Variants in ZC2HC1A observed in about 807,000 individuals in gnomAD.
ZC2HC1A encodes the protein zinc finger C2HC domain-containing protein 1A.
Under a neutral mutation model 40.7 loss-of-function variants are expected in ZC2HC1A, and 28 were observed. The observed-to-expected ratio is 0.69, with a 90% CI of 0.51 to 0.94. ZC2HC1A has a LOEUF of 0.94. Among genes scored for constraint, ZC2HC1A ranks in the 40% least tolerant of loss-of-function variants. The pLI, the probability that ZC2HC1A is intolerant of heterozygous loss-of-function variation, is 0.00. For missense variants in ZC2HC1A, 389 were observed against 386.3 expected (o/e 1.01, Z -0.06); for synonymous variants, 129 against 129.2 (o/e 1.00, Z 0.01).
At chr8:78,711,139 A>G (rs760773145) in intron 7 of ZC2HC1A, among the ~76,000 whole-genome samples, 1 of 152,156 alleles carries the variant, frequency 6.6e-6, no homozygotes, top group East Asian at 1.9e-4. Flanking sequence ...TCTTAAAAAG[A>G]ACAGACTTTT....
intron 8 of ZC2HC1A, 62 bp from the exon 9 acceptor site, chr8:78,717,266 G>A: frequency 1.4e-6 from 2 of 1,445,508 alleles, no homozygotes; most frequent in Non-Finnish European, 1.9e-6. Flanking sequence ...GTTTCTCCAG[G>A]GTTATGGGTT....
chr8:78,680,970 G>A (rs561667950), intron 3 of ZC2HC1A, among the ~76,000 whole-genome samples: 1 of 152,286 alleles, frequency 6.6e-6, no homozygotes, highest in South Asian at 2.1e-4. Context: ...AGAATGGTGG[G>A]AGTAGGAACA....
chr8:78,699,223 C>G (rs989174914), intron 7 of ZC2HC1A, among the ~76,000 whole-genome samples: 11 of 151,934 alleles, frequency 7.2e-5, no homozygotes, highest in Non-Finnish European at 1.5e-4. Flanking sequence ...TATTTTTCTA[C>G]TGTTATATTT....
chr8:78,668,137 T>C (rs1250311962), intron 1 of ZC2HC1A, among the ~76,000 whole-genome samples: 1 of 152,092 alleles, frequency 6.6e-6, no homozygotes, highest in African/African-American at 2.4e-5. Context: ...GAAGTTAGGA[T>C]GGTGCCTTTC....
chr8:78,714,508 G>A (rs1315120065), intron 7 of ZC2HC1A, among the ~76,000 whole-genome samples: 6 of 152,060 alleles, frequency 3.9e-5, no homozygotes, highest in Admixed American at 1.3e-4. Context: ...CAGACTTGCT[G>A]TCACAAAGCT....
intron 3 of ZC2HC1A, among the ~76,000 whole-genome samples, chr8:78,680,376 G>A (rs1232885610): frequency 6.6e-6 from 1 of 151,006 alleles, no homozygotes. Flanking sequence ...TAAAACTGTG[G>A]CCCACAGAGC....
intron 7 of ZC2HC1A, among the ~76,000 whole-genome samples, chr8:78,698,793 G>T (rs555604528): frequency 1.3e-5 from 2 of 152,060 alleles, no homozygotes; most frequent in Non-Finnish European, 1.5e-5. Flanking sequence ...AAATGTTGAC[G>T]ATTTTTATAC....
chr8:78,668,366 A>G (rs1563616949), intron 1 of ZC2HC1A, among the ~76,000 whole-genome samples: 1 of 152,216 alleles, frequency 6.6e-6, no homozygotes, highest in Non-Finnish European at 1.5e-5. Context: ...CCAGTAAGAA[A>G]TATTCAAAAG....
At chr8:78,668,535 A>G (rs1475181667) in intron 1 of ZC2HC1A, among the ~76,000 whole-genome samples, 1 of 152,170 alleles carries the variant, frequency 6.6e-6, no homozygotes, top group Non-Finnish European at 1.5e-5. Context: ...ACTCTTTCTT[A>G]TAACTTACGT....
At chr8:78,675,994 A>C in intron 2 of ZC2HC1A, 131 bp downstream of exon 2, 1 of 649,944 alleles carries the variant, frequency 1.5e-6, no homozygotes, top group East Asian at 3.0e-5. Flanking sequence ...TCTTTGTTCA[A>C]GGGTCTTGAT....
chr8:78,714,459 A>C (rs1318432017), intron 7 of ZC2HC1A, among the ~76,000 whole-genome samples: 1 of 152,156 alleles, frequency 6.6e-6, no homozygotes, highest in Non-Finnish European at 1.5e-5. Flanking sequence ...TTTTTCTCAT[A>C]ACCTTTCTAT....
intron 3 of ZC2HC1A, among the ~76,000 whole-genome samples, chr8:78,680,285 T>TC (rs1180177105): frequency 8.2e-5 from 2 of 24,340 alleles, no homozygotes; most frequent in African/African-American, 3.3e-4. Context: ...AGACTCCGTC[T>TC]CAAAAAAAAA....
Position 78,718,114 on chromosome 8 carries a change from A to G in ZC2HC1A, c.*621A>G, listed in dbSNP as rs1324735288. ...TTACTTGTTTTGTAAAAGTGTAATT[A>G]TGCAATTTCCTTTTCAAATACACAA... On this transcript the variant is annotated 3_prime_UTR_variant, in exon 9 of 9. Coordinates refer to ENST00000263849, the MANE Select transcript of ZC2HC1A (RefSeq NM_016010.3). 1 of 152,064 alleles carries G rather than the reference A, an allele frequency of 6.6e-6. No homozygotes were observed. The highest frequency in any genetic ancestry group is 1.5e-5 in the Non-Finnish European group (1 of 67,928). 9.4% of individuals were successfully genotyped at this position (152,064 alleles called of 1,614,324 possible). A position where few individuals can be genotyped will look rare whatever the true frequency, so the allele number is the denominator to read the frequency against.
chr8:78,702,235 T>C (rs1006097457), intron 7 of ZC2HC1A, among the ~76,000 whole-genome samples: 1 of 152,186 alleles, frequency 6.6e-6, no homozygotes, highest in Non-Finnish European at 1.5e-5. Context: ...CCATTTCTTC[T>C]AGATTTTCTA....
intron 7 of ZC2HC1A, among the ~76,000 whole-genome samples, chr8:78,714,159 G>T (rs1811028076): frequency 1.3e-5 from 2 of 152,028 alleles, no homozygotes; most frequent in Non-Finnish European, 2.9e-5. Flanking sequence ...AGAGAGGGAG[G>T]GAACTATGCT....
rs1286366214 is a variant in ZC2HC1A, at chr8:78,717,557, T to C, written c.*64T>C. 30 of 1,480,114 alleles carry C rather than the reference T, an allele frequency of 2.0e-5. No individual in the cohort carries two copies. Among genetic ancestry groups the C allele is most frequent in the Non-Finnish European group, 2.6e-5 (29 of 1,107,974 alleles). 91.7% of individuals were successfully genotyped at this position (1,480,114 alleles called of 1,614,324 possible). A position where few individuals can be genotyped will look rare whatever the true frequency, so the allele number is the denominator to read the frequency against. The stretch of plus-strand genomic sequence containing the variant: ...TTATGATTATTGCTGCTTGGACAGC[T>C]AGAGCACATCCTCTAGTTAGTTTGT... On this transcript the variant is annotated 3_prime_UTR_variant, in exon 9 of 9. Coordinates refer to ENST00000263849, the MANE Select transcript of ZC2HC1A (RefSeq NM_016010.3).
At chr8:78,711,215 A>G (rs1810940426) in intron 7 of ZC2HC1A, among the ~76,000 whole-genome samples, 1 of 152,112 alleles carries the variant, frequency 6.6e-6, no homozygotes, top group South Asian at 2.1e-4. Flanking sequence ...TCATAATTCA[A>G]TTTTCCCTGC....
At chr8:78,712,160 CT>C in intron 7 of ZC2HC1A, 1 of 1,055,148 alleles carries the variant, frequency 9.5e-7, no homozygotes, top group Middle Eastern at 2.4e-4. Flanking sequence ...TCCTTAAAAG[CT>C]TTATATAATG....
At chr8:78,711,910 GAAT>G in intron 7 of ZC2HC1A, 1 of 849,616 alleles carries the variant, frequency 1.2e-6, no homozygotes, top group Non-Finnish European at 1.7e-6. Context: ...TGATGAACCA[GAAT>G]AATGTCTTTT....
Sources: allele counts gnomAD v4.1 joint callset (sites outside exome capture counted in the v4.1 genomes callset), GRCh38; gene constraint gnomAD v4.1.1; transcripts MANE v1.5; gene names NCBI Gene and HGNC (gene_info 2026-07-23, HGNC 2026-07-21).